The following ZDHHC17 variants were observed in gnomAD, a reference collection of about 807,000 sequenced individuals.
ZDHHC17 encodes the protein palmitoyltransferase ZDHHC17.
ZDHHC17 carries 40 observed loss-of-function variants against 90.3 expected under a neutral mutation model. The ratio of observed to expected loss-of-function variants is 0.44; its 90% CI spans 0.34 to 0.58. ZDHHC17 has a LOEUF of 0.58. ZDHHC17 is among the 20% of genes least tolerant of loss of function. The pLI, the probability that ZDHHC17 is intolerant of heterozygous loss-of-function variation, is 0.01. For missense variants in ZDHHC17, 614 were observed against 780.8 expected (o/e 0.79, Z 2.55); for synonymous variants, 235 against 252.4 (o/e 0.93, Z 0.65).
At chr12:76,823,157 T>A (rs1372246322) in intron 8 of ZDHHC17, among the ~76,000 whole-genome samples, 1 of 152,186 alleles carries the variant, frequency 6.6e-6, no homozygotes. Flanking sequence ...AAGTAATAGA[T>A]AAAAATAAAG....
intron 7 of ZDHHC17, among the ~76,000 whole-genome samples, chr12:76,816,809 A>AT (rs1415148733): frequency 3.9e-5 from 6 of 152,070 alleles, no homozygotes; most frequent in African/African-American, 1.4e-4. Context: ...ATGGAGCATA[A>AT]TTTGTTAAGC....
chr12:76,784,556 A>C (rs1952664332), intron 1 of ZDHHC17, among the ~76,000 whole-genome samples: 1 of 152,252 alleles, frequency 6.6e-6, no homozygotes, highest in African/African-American at 2.4e-5. Context: ...CATCTTATTC[A>C]TGCCCTAATT....
At chr12:76,773,952 G>A (rs998033612) in intron 1 of ZDHHC17, among the ~76,000 whole-genome samples, 3 of 151,966 alleles carry the variant, frequency 2.0e-5, no homozygotes, top group Non-Finnish European at 4.4e-5. Flanking sequence ...CATTAATAAG[G>A]TAAAATATAC....
rs1953089903 is a variant in ZDHHC17, at chr12:76,816,579, C to G, written c.771+560C>G. Among the ~76,000 whole-genome samples the G allele has an allele frequency of 1.3e-5, 2 of 151,894 alleles. 1 individual carries two copies. The highest frequency in any genetic ancestry group is 4.2e-4 in the South Asian group (2 of 4,814). ...TTTTGGCTATAATTTATAGTATTTT[C>G]TGTGTTATGTTTCTTAAATTTCTAA... On this transcript the variant is annotated intron_variant, in intron 7 of 16. Coordinates refer to ENST00000426126, the MANE Select transcript of ZDHHC17 (RefSeq NM_015336.4).
In ZDHHC17 at chr12:76,788,688, A is replaced by ATATATATTT. The variant is rs61663401; in HGVS notation, c.94-8745_94-8744insATATATTTT. Reference sequence around the variant, plus strand: ...AAAATATATTTAAGTTGGAATCGCAATTTTTTTTTTTTTTTTTTTTTTTTT... The same window carrying ATATATATTT: ...AAAATATATTTAAGTTGGAATCGCAATATATATTTTTTTTTTTTTTTTTTTTTTTTTTTT... On this transcript the variant is annotated intron_variant, in intron 1 of 16. Coordinates refer to ENST00000426126, the MANE Select transcript of ZDHHC17 (RefSeq NM_015336.4). Among the ~76,000 whole-genome samples, 36 of 98,666 alleles carry ATATATATTT rather than the reference A, an allele frequency of 3.6e-4. 1 individual carries two copies. Among genetic ancestry groups the ATATATATTT allele is most frequent in the African/African-American group, 1.4e-3 (36 of 25,134 alleles). The allele number at this position is 98,666 out of a possible 152,430, so 64.7% of individuals were successfully genotyped here. A position where few individuals can be genotyped will look rare whatever the true frequency, so the allele number is the denominator to read the frequency against.
chr12:76,807,140 A>G (rs966270790), intron 3 of ZDHHC17, among the ~76,000 whole-genome samples: 46 of 152,358 alleles, frequency 3.0e-4, no homozygotes, highest in African/African-American at 1.1e-3. Flanking sequence ...AATTTTAACT[A>G]TAATTCTATT....
In ZDHHC17 at chr12:76,809,696, A is replaced by G. The variant is rs768817113; in HGVS notation, c.399-17A>G. ...AATAACTTTATATATCTAAGTGTTTATTCTTTTATGTTTTAGACAAGGCCA... is the reference window on the plus strand; with the variant it reads ...AATAACTTTATATATCTAAGTGTTTGTTCTTTTATGTTTTAGACAAGGCCA... On this transcript the variant is annotated splice_polypyrimidine_tract_variant and intron_variant, in intron 4 of 16. Transcript: ENST00000426126. The G allele has an allele frequency of 7.0e-7, 1 of 1,429,502 alleles. No homozygotes were observed. Among genetic ancestry groups the G allele is most frequent in the Non-Finnish European group, 9.2e-7 (1 of 1,090,514 alleles). 88.6% of individuals were successfully genotyped at this position (1,429,502 alleles called of 1,614,324 possible).
At chr12:76,812,436 T>C (rs1352341445) in intron 5 of ZDHHC17, among the ~76,000 whole-genome samples, 1 of 152,172 alleles carries the variant, frequency 6.6e-6, no homozygotes, top group Non-Finnish European at 1.5e-5. Flanking sequence ...CTCTCTCTCT[T>C]CAGTCAGATG....
intron 9 of ZDHHC17, 50 bp from the exon 10 acceptor site, chr12:76,828,340 T>C (rs967544425): frequency 1.2e-5 from 17 of 1,429,384 alleles, no homozygotes; most frequent in Non-Finnish European, 1.6e-5. Context: ...AAATACTCAT[T>C]TTTACAATGA....
In ZDHHC17 at chr12:76,850,870, T is replaced by C. The variant is rs541364093; in HGVS notation, c.1784T>C (p.Ile595Thr). The C allele has an allele frequency of 4.6e-5, 74 of 1,613,898 alleles. No individual in the cohort carries two copies. Among genetic ancestry groups the C allele is most frequent in the Non-Finnish European group, 5.7e-5 (67 of 1,179,892 alleles). Reference protein sequence around the residue: ...PFNHGCVRNIIDFFEFRCCGL... With the variant: ...PFNHGCVRNITDFFEFRCCGL... ...AGCCATGGATGTGTAAGAAATATTA[T>C]AGACTTCTTTGAATTTCGATGCTGT... The change falls in exon 17 of 17, where the codon ATA becomes ACA. Residue 595 changes from isoleucine (I) to threonine (T), a missense_variant. By Grantham distance (89) the Ile-to-Thr change is moderately conservative (BLOSUM62 -1). Around this residue, in one of 5 missense-constraint regions of ZDHHC17, gnomAD observed 111 missense variants for 179.8 expected, o/e 0.62. Transcript: ENST00000426126.
At chr12:76,849,514 A>G (rs758869707) in intron 16 of ZDHHC17, 44 bp downstream of exon 16, 13 of 1,312,160 alleles carry the variant, frequency 9.9e-6, no homozygotes, top group Non-Finnish European at 1.4e-5. Context: ...TGGTCATAAA[A>G]ATTTTCTTAC....
intron 1 of ZDHHC17, among the ~76,000 whole-genome samples, chr12:76,772,709 ATT>A (rs869240058): frequency 3.3e-4 from 35 of 105,436 alleles, no homozygotes; most frequent in East Asian, 2.9e-4. Flanking sequence ...TAACTTTTGT[ATT>A]TTTTTTTTTT....
At chr12:76,849,843 A>C (rs1953541594) in intron 16 of ZDHHC17, among the ~76,000 whole-genome samples, 1 of 152,174 alleles carries the variant, frequency 6.6e-6, no homozygotes, top group Non-Finnish European at 1.5e-5. Context: ...CAGACCTTTA[A>C]ATAAAAACAG....
Position 76,816,024 on chromosome 12 carries a change from A to C in ZDHHC17, c.771+5A>C, listed in dbSNP as rs1460945367. On this transcript the variant is annotated splice_donor_5th_base_variant and intron_variant, in intron 7 of 16. Coordinates refer to ENST00000426126, the MANE Select transcript of ZDHHC17 (RefSeq NM_015336.4). ...GTTGATGCCCAGAATATCAAGGTAAAAATATTCTATATTGATAATACTGTA... is the reference window on the plus strand; with the variant it reads ...GTTGATGCCCAGAATATCAAGGTAACAATATTCTATATTGATAATACTGTA... 6.6e-7 allele frequency: 1 copy of C among 1,518,146 alleles called. No individual in the cohort carries two copies. The highest frequency in any genetic ancestry group is 8.8e-7 in the Non-Finnish European group (1 of 1,135,576). The allele number at this position is 1,518,146 out of a possible 1,614,324, so 94.0% of individuals were successfully genotyped here.
chr12:76,807,814 G>T (rs117124153), intron 3 of ZDHHC17, among the ~76,000 whole-genome samples: 1 of 152,222 alleles, frequency 6.6e-6, no homozygotes, highest in East Asian at 1.9e-4. Context: ...TTCTAGTTAC[G>T]ATTTTTAATA....
chr12:76,775,981 C>CTT (rs1555180004), intron 1 of ZDHHC17, among the ~76,000 whole-genome samples: 1 of 151,956 alleles, frequency 6.6e-6, no homozygotes, highest in Non-Finnish European at 1.5e-5. Context: ...TGTAAATAGC[C>CTT]AGAATCTTCC....
intron 13 of ZDHHC17, 40 bp from the exon 14 acceptor site, chr12:76,846,556 T>C (rs1417644696): frequency 1.3e-6 from 2 of 1,557,684 alleles, no homozygotes; most frequent in Non-Finnish European, 1.8e-6. Flanking sequence ...CCGTTGTTTT[T>C]TTCTTAGCTG....
At position 76,851,037 on chromosome 12, in the gene ZDHHC17, C is replaced by T; in HGVS notation, c.*52C>T. The T allele has an allele frequency of 2.5e-6, 4 of 1,608,536 alleles. No individual in the cohort carries two copies. The highest frequency in any genetic ancestry group is 3.4e-6 in the Non-Finnish European group (4 of 1,177,214). ...GCTGAGTGGTGCCTGAAAATTGTGT[C>T]TGTCCGTGTCTTTCTCACACTCGAA... On this transcript the variant is annotated 3_prime_UTR_variant, in exon 17 of 17. Coordinates refer to ENST00000426126, the MANE Select transcript of ZDHHC17 (RefSeq NM_015336.4).
At chr12:76,822,758 C>T (rs1280403127) in intron 8 of ZDHHC17, among the ~76,000 whole-genome samples, 1 of 151,466 alleles carries the variant, frequency 6.6e-6, no homozygotes, top group Non-Finnish European at 1.5e-5. Context: ...GGGGTTTCAC[C>T]GTGTTGGCCA....
Sources: allele counts gnomAD v4.1 joint callset (sites outside exome capture counted in the v4.1 genomes callset), GRCh38; gene constraint gnomAD v4.1.1; regional missense constraint gnomAD v4.1.1; transcripts MANE v1.5; gene names NCBI Gene and HGNC (gene_info 2026-07-23, HGNC 2026-07-21).